The following CSTPP1 variants were observed in gnomAD, a reference collection of about 807,000 sequenced individuals.
CSTPP1 encodes the protein centriolar satellite-associated tubulin polyglutamylase complex regulator 1, also known as UPF0705 protein C11orf49.
chr11:47,055,081 C>T, the CSTPP1 span, among the ~76,000 whole-genome samples: 7 of 151,544 alleles, frequency 4.6e-5, no homozygotes, highest in South Asian at 1.5e-3. Context: ...TATATTTGTG[C>T]ACTACCATGT....
the CSTPP1 span, among the ~76,000 whole-genome samples, chr11:46,992,419 T>A: frequency 8.4e-6 from 1 of 118,376 alleles, no homozygotes; most frequent in East Asian, 2.9e-4. Flanking sequence ...CCCCAGTGTG[T>A]GATGTTTCCC....
the CSTPP1 span, among the ~76,000 whole-genome samples, chr11:47,098,376 T>C: frequency 6.6e-6 from 1 of 151,858 alleles, no homozygotes; most frequent in Non-Finnish European, 1.5e-5. Flanking sequence ...TCCTTCAGTG[T>C]CCAGCATACT....
At chr11:47,102,935 T>C in the CSTPP1 span, among the ~76,000 whole-genome samples, 2 of 147,058 alleles carry the variant, frequency 1.4e-5, no homozygotes, top group Non-Finnish European at 3.0e-5. Context: ...CTTGCCTCTT[T>C]AGCCTTACAG....
chr11:47,157,682 C>A, the CSTPP1 span: 4 of 603,610 alleles, frequency 6.6e-6, no homozygotes, highest in East Asian at 4.1e-5. Context: ...AAGGCCTGAT[C>A]CCCCAGGGCC....
At chr11:46,969,642 A>G in the CSTPP1 span, among the ~76,000 whole-genome samples, 1 of 152,246 alleles carries the variant, frequency 6.6e-6, no homozygotes, top group South Asian at 2.1e-4. Context: ...AGTGGAACTG[A>G]TAAATAAATT....
the CSTPP1 span, among the ~76,000 whole-genome samples, chr11:47,115,147 T>G: frequency 1.3e-5 from 2 of 152,252 alleles, no homozygotes; most frequent in African/African-American, 4.8e-5. Context: ...GATTTGCGTA[T>G]GTTGAGCCAG....
chr11:46,956,468 G>A, the CSTPP1 span, among the ~76,000 whole-genome samples: 2 of 152,250 alleles, frequency 1.3e-5, no homozygotes, highest in South Asian at 4.2e-4. Flanking sequence ...ACTTAGTGAA[G>A]TCCTACAAAG....
the CSTPP1 span, among the ~76,000 whole-genome samples, chr11:47,113,004 C>T: frequency 7.9e-5 from 12 of 152,292 alleles, no homozygotes; most frequent in East Asian, 7.7e-4. Flanking sequence ...CCCAACCCCA[C>T]GACAGGACCC....
the CSTPP1 span, among the ~76,000 whole-genome samples, chr11:47,142,184 A>C: frequency 6.6e-6 from 1 of 151,244 alleles, no homozygotes; most frequent in African/African-American, 2.4e-5. Flanking sequence ...CAGAGGTTGC[A>C]GTGAGCCGAG....
At chr11:47,000,784 A>C in the CSTPP1 span, among the ~76,000 whole-genome samples, 1 of 152,224 alleles carries the variant, frequency 6.6e-6, no homozygotes, top group African/African-American at 2.4e-5. Flanking sequence ...ATAAACAAGC[A>C]AACTGATGGG....
At chr11:46,962,750 T>C in the CSTPP1 span, among the ~76,000 whole-genome samples, 2 of 152,304 alleles carry the variant, frequency 1.3e-5, no homozygotes, top group East Asian at 1.9e-4. Context: ...TATAGAAATA[T>C]AGTGCCAGCC....
At chr11:46,976,328 C>T in the CSTPP1 span, among the ~76,000 whole-genome samples, 2 of 151,992 alleles carry the variant, frequency 1.3e-5, no homozygotes, top group Non-Finnish European at 2.9e-5. Context: ...AAAAGTGACA[C>T]TTCAGTGGTC....
the CSTPP1 span, among the ~76,000 whole-genome samples, chr11:47,145,131 G>A: frequency 6.6e-6 from 1 of 152,048 alleles, no homozygotes; most frequent in Admixed American, 6.5e-5. Context: ...AGGACTACAG[G>A]CACGCACCAC....
chr11:47,138,979 CAAAAAAAAAAAAAAAAAAAAAAAA>C, the CSTPP1 span, among the ~76,000 whole-genome samples: 1 of 40,878 alleles, frequency 2.4e-5, no homozygotes, highest in East Asian at 1.1e-3. Flanking sequence ...GACTCCGTCT[CAAAAAAAAAAAAAAAAAAAAAAAA>C]AAAAAAAAAC....
At chr11:47,052,898 G>T in the CSTPP1 span, 3 of 157,462 alleles carry the variant, frequency 1.9e-5, no homozygotes, top group Non-Finnish European at 4.2e-5. Context: ...ACTTGGCAAG[G>T]TTACATAGTA....
the CSTPP1 span, chr11:46,987,574 G>A: frequency 3.1e-6 from 1 of 325,256 alleles, no homozygotes; most frequent in East Asian, 5.0e-5. Context: ...ATTTCTGTAG[G>A]TTTCTCTTTT....
the CSTPP1 span, among the ~76,000 whole-genome samples, chr11:47,051,163 C>G: frequency 1.4e-3 from 210 of 152,070 alleles, no homozygotes; most frequent in African/African-American, 4.9e-3. Context: ...TACCATCGTT[C>G]CCCCCATTGC....
At chr11:47,055,792 AT>A in the CSTPP1 span, among the ~76,000 whole-genome samples, 1 of 152,218 alleles carries the variant, frequency 6.6e-6, no homozygotes, top group Non-Finnish European at 1.5e-5. Flanking sequence ...ATGCATCTCC[AT>A]TACAGTATTA....
At chr11:46,945,625 TAATA>T in the CSTPP1 span, among the ~76,000 whole-genome samples, 1 of 151,802 alleles carries the variant, frequency 6.6e-6, no homozygotes, top group African/African-American at 2.4e-5. Context: ...AAAATAATAA[TAATA>T]AATAAATAAA....
Sources: gnomAD v4.1 joint callset for allele counts (sites outside exome capture counted in the v4.1 genomes callset) on GRCh38, gnomAD v4.1.1 for gene constraint, MANE v1.5 for transcripts, NCBI Gene and HGNC (gene_info 2026-07-23, HGNC 2026-07-21) for gene names.